MYOF: variants seen among roughly 807,000 people sequenced by gnomAD.
MYOF encodes fer-1-like 3, myoferlin.
Under a neutral mutation model 284.2 loss-of-function variants are expected in MYOF, and 244 were observed. The observed-to-expected ratio is 0.86, with a 90% confidence interval of 0.77 to 0.95. MYOF has a LOEUF of 0.95. Ranked by LOEUF, MYOF falls within the 40% of genes least tolerant of loss-of-function variation. The pLI, the probability that MYOF is intolerant of heterozygous loss-of-function variation, is 0.00. For synonymous variants in MYOF, 904 were observed against 919.7 expected (o/e 0.98, Z 0.31); for missense variants, 2,496 against 2,560.6 (o/e 0.97, Z 0.54).
At chr10:93,409,922 G>A (rs957723799) in intron 5 of MYOF, among the ~76,000 whole-genome samples, 183 bp from the exon 6 acceptor site, 2 of 152,198 alleles carry the variant, frequency 1.3e-5, no homozygotes, top group Non-Finnish European at 2.9e-5. Flanking sequence ...AAATTCTTTA[G>A]GAAAATGTGT....
intron 31 of MYOF, among the ~76,000 whole-genome samples, chr10:93,354,666 ACTCT>A (rs140255016): frequency 0.014 from 1,682 of 119,270 alleles, 11 homozygotes; most frequent in African/African-American, 0.033. Flanking sequence ...TCACACATTC[ACTCT>A]CTCTCTCTCT....
intron 46 of MYOF, among the ~76,000 whole-genome samples, chr10:93,324,995 G>A (rs1240597650): frequency 6.6e-6 from 1 of 152,060 alleles, no homozygotes; most frequent in African/African-American, 2.4e-5. Flanking sequence ...GGCCAGGCTG[G>A]TCTCGAACTC....
intron 3 of MYOF, among the ~76,000 whole-genome samples, chr10:93,435,230 A>G (rs1441417964): frequency 6.6e-6 from 1 of 152,240 alleles, no homozygotes; most frequent in East Asian, 1.9e-4. Flanking sequence ...AATCTCTGTC[A>G]TCAATAAACA....
At position 93,389,085 on chromosome 10, in the gene MYOF, C is replaced by T. The variant is rs1229246675; in HGVS notation, c.1526G>A (p.Ser509Asn). 4.3e-6 allele frequency: 7 copies of T among 1,614,052 alleles called. No homozygotes were observed. Among genetic ancestry groups the T allele is most frequent in the African/African-American group, 1.3e-5 (1 of 74,930 alleles). ...TGGGAATCCCGTGTACTCTCTGGGG[C>T]TTCCATAAAGATTCAGGTAACAAGG... ...FGPCYLNLYG[S>N]PREYTGFPDP... The change falls in exon 18 of 54, where the codon AGC becomes AAC. Residue 509 changes from serine to asparagine, a missense_variant. Coordinates refer to ENST00000359263, the MANE Select transcript of MYOF (RefSeq NM_013451.4).
intron 3 of MYOF, among the ~76,000 whole-genome samples, chr10:93,446,068 G>T (rs1396024626): frequency 6.6e-6 from 1 of 152,154 alleles, no homozygotes; most frequent in African/African-American, 2.4e-5. Context: ...GTGTGTATTG[G>T]TTAGTTGGTG....
chr10:93,473,366 C>G (rs192419260), intron 1 of MYOF, among the ~76,000 whole-genome samples: 1 of 152,304 alleles, frequency 6.6e-6, no homozygotes, highest in Non-Finnish European at 1.5e-5. Context: ...AACATCTGAC[C>G]AAAACCAAGG....
chr10:93,379,769 A>G (rs10882229), intron 21 of MYOF, 94 bp downstream of exon 21: 613,091 of 1,482,614 alleles, frequency 0.41, 136,223 homozygotes, highest in East Asian at 0.85. Context: ...TCACTGTACT[A>G]AGCACTTTCT....
rs114608765 is a variant in MYOF, at chr10:93,415,400, A to G, written c.434-5661T>C. On this transcript the variant is annotated intron_variant, in intron 5 of 53. Coordinates refer to ENST00000359263, the MANE Select transcript of MYOF (RefSeq NM_013451.4). ...AGTGTCCTCACAGGGCTGCCTGGCC[A>G]TCTTACCACATTTCCAAGATATCTA... Among the ~76,000 whole-genome samples, 1,138 of 152,292 alleles carry G rather than the reference A, an allele frequency of 7.5e-3. 8 individuals carry two copies. Among genetic ancestry groups the G allele is most frequent in the African/African-American group, 0.026 (1,076 of 41,550 alleles).
At chr10:93,366,618 T>C in intron 25 of MYOF, 63 bp from the exon 26 acceptor site, 1 of 1,407,414 alleles carries the variant, frequency 7.1e-7, no homozygotes, top group African/African-American at 1.4e-5. Flanking sequence ...AGCTAGCACA[T>C]ACATTTTCAA....
rs186335544 is a variant in MYOF, at chr10:93,310,611, G to A, written c.5922C>T (p.Asn1974=). The A allele has an allele frequency of 9.2e-5, 148 of 1,614,150 alleles. No homozygotes were observed. The East Asian group carries it at 2.7e-3, about 30-fold the overall frequency. ...CTGGCCTCTCGTCGGCCTCCTTCTC[G>A]TTGAGGATTTCCAATGTCATCTCCA... is the stretch of plus-strand genomic sequence containing the variant. ...GKVEMTLEIL[N]EKEADERPAG... is the part of the protein sequence containing the mutation. Residue 1974 remains asparagine (N), a synonymous_variant, in exon 52 of 54, where the codon AAC becomes AAT. Coordinates refer to ENST00000359263, the MANE Select transcript of MYOF (RefSeq NM_013451.4).
At chr10:93,372,378 A>G (rs1435810746) in intron 24 of MYOF, among the ~76,000 whole-genome samples, 1 of 152,188 alleles carries the variant, frequency 6.6e-6, no homozygotes, top group African/African-American at 2.4e-5. Flanking sequence ...TTAGCTGAAC[A>G]TGCAGTGTGC....
chr10:93,307,109 T>C, intron 53 of MYOF, 108 bp from the exon 54 acceptor site: 1 of 1,051,684 alleles, frequency 9.5e-7, no homozygotes, highest in South Asian at 1.4e-5. Context: ...CAGATGATTC[T>C]TTCTTGTTGG....
chr10:93,371,177 GTCAT>G (rs1328425049), intron 24 of MYOF, among the ~76,000 whole-genome samples: 1 of 152,104 alleles, frequency 6.6e-6, no homozygotes, highest in Non-Finnish European at 1.5e-5. Flanking sequence ...GAATAAAAGA[GTCAT>G]TCAAAGTCCA....
In MYOF at chr10:93,329,721, T is replaced by C; in HGVS notation, c.4925A>G (p.Glu1642Gly). ...EKVGETIIDL[E>G]NRFLSRFGSH... ...CCCAAAGCGGGAAAGGAATCGGTTT[T>C]CCAGATCAATAATTGTTTCTCCTAC... The change falls in exon 44 of 54, where the codon GAA (glutamate) becomes GGA (glycine). Residue 1642 changes from glutamate (E) to glycine (G), a missense_variant. Coordinates refer to ENST00000359263, the MANE Select transcript of MYOF (RefSeq NM_013451.4). 1 of 1,614,250 alleles carries C rather than the reference T, an allele frequency of 6.2e-7. No homozygotes were observed. The highest frequency in any genetic ancestry group is 1.7e-5 in the Admixed American group (1 of 60,034).
At chr10:93,471,181 G>T (rs921817957) in intron 1 of MYOF, among the ~76,000 whole-genome samples, 5 of 152,112 alleles carry the variant, frequency 3.3e-5, no homozygotes, top group Non-Finnish European at 7.4e-5. Flanking sequence ...CTAATAAAAT[G>T]GCTCAAACTT....
intron 3 of MYOF, among the ~76,000 whole-genome samples, chr10:93,437,656 G>A (rs908513791): frequency 6.6e-6 from 1 of 152,206 alleles, no homozygotes; most frequent in African/African-American, 2.4e-5. Context: ...ACGATTCCAG[G>A]CTGCTCCTAG....
intron 22 of MYOF, among the ~76,000 whole-genome samples, chr10:93,376,317 C>T (rs1007064242): frequency 6.6e-6 from 1 of 152,166 alleles, no homozygotes; most frequent in East Asian, 1.9e-4. Context: ...TCAAAAGTCA[C>T]ACTTGGGGCC....
At chr10:93,325,608 T>C (rs928038880) in intron 46 of MYOF, among the ~76,000 whole-genome samples, 2 of 152,082 alleles carry the variant, frequency 1.3e-5, no homozygotes, top group African/African-American at 4.8e-5. Context: ...CTGGTTCTGG[T>C]TTGTTCTGAG....
intron 35 of MYOF, 24 bp from the exon 36 acceptor site, chr10:93,349,993 G>A (rs1373283960): frequency 6.2e-7 from 1 of 1,606,544 alleles, no homozygotes; most frequent in South Asian, 1.1e-5. Flanking sequence ...TTAAAGAGAG[G>A]GGAAGGTAAC....
Sources: allele counts gnomAD v4.1 joint callset (sites outside exome capture counted in the v4.1 genomes callset), GRCh38; gene constraint gnomAD v4.1.1; transcripts MANE v1.5; gene names NCBI Gene and HGNC (gene_info 2026-07-23, HGNC 2026-07-21).